The following HMG20B variants were observed in gnomAD, a reference collection of about 807,000 sequenced individuals.
HMG20B encodes high mobility group 20B.
In HMG20B, 24 loss-of-function variants were observed where a neutral mutation model predicts 41.6. The ratio of observed to expected loss-of-function variants is 0.58; its 90% CI spans 0.42 to 0.81. The LOEUF is 0.81. Among genes scored for constraint, HMG20B ranks in the 30% least tolerant of loss-of-function variants. HMG20B has a pLI of 0.00. For missense variants in HMG20B, 461 were observed against 444.0 expected (o/e 1.04, Z -0.34); for synonymous variants, 251 against 186.6 (o/e 1.34, Z -2.81).
rs111232168 is a variant in HMG20B, at chr19:3,573,626, T to A, written c.39-66T>A. On this transcript the variant is annotated intron_variant, in intron 2 of 9. Transcript: ENST00000333651. ...CCCGCCGTCGGGGGTCAAAACGCCC[T>A]GGGGTGGGCTTTTGGGGGAGGGGAG... The A allele has an allele frequency of 1.5e-4, 210 of 1,377,796 alleles. No individual in the cohort carries two copies. In the African/African-American group the frequency reaches 2.4e-3, roughly 16 times the overall value. 85.3% of individuals were successfully genotyped at this position (1,377,796 alleles called of 1,614,324 possible). A position where few individuals can be genotyped will look rare whatever the true frequency, so the allele number is the denominator to read the frequency against.
Position 3,576,880 on chromosome 19 carries a change from C to G in HMG20B, c.593-12C>G. On this transcript the variant is annotated splice_polypyrimidine_tract_variant and intron_variant, in intron 7 of 9. Transcript: ENST00000333651. ...GGAGGCGCAGGCTTTGACCCCGCTC[C>G]CCCCGGCGCAGCGCGTGAGGCGGAG... The G allele has an allele frequency of 6.4e-7, 1 of 1,560,606 alleles. No individual in the cohort carries two copies. The highest frequency in any genetic ancestry group is 1.2e-5 in the South Asian group (1 of 84,784).
chr19:3,573,846 C>T, intron 3 of HMG20B, 46 bp downstream of exon 3: 1 of 1,510,142 alleles, frequency 6.6e-7, no homozygotes, highest in Non-Finnish European at 9.1e-7. Context: ...GGCTCCCGCC[C>T]CAGCCTCGAA....
intron 3 of HMG20B, chr19:3,574,029 G>T (rs991914872): frequency 3.0e-6 from 2 of 674,742 alleles, no homozygotes; most frequent in Admixed American, 4.8e-5. Flanking sequence ...CTAAGGTCCC[G>T]CCCACTTCCA....
In HMG20B at chr19:3,578,185, T is replaced by C. The variant is rs769994800; in HGVS notation, c.941+72T>C. On this transcript the variant is annotated intron_variant, in intron 9 of 9. Transcript: ENST00000333651. ...TGTGCCCGCCCTGGGGTTCCCCAGG[T>C]CCGCGAGGGCTGCTGGGTGGGACTC... is the stretch of plus-strand genomic sequence containing the variant. The C allele has an allele frequency of 3.8e-6, 6 of 1,561,786 alleles. No individual in the cohort carries two copies. In the East Asian group the frequency reaches 1.1e-4, roughly 30 times the overall value.
chr19:3,573,420 C>A, intron 2 of HMG20B, 73 bp downstream of exon 2: 1 of 1,398,618 alleles, frequency 7.1e-7, no homozygotes, highest in South Asian at 1.4e-5. Context: ...AACCCCTGAC[C>A]CAGTCCCTCC....
intron 2 of HMG20B, 27 bp downstream of exon 2, chr19:3,573,374 C>G: frequency 1.3e-6 from 2 of 1,512,340 alleles, no homozygotes; most frequent in Non-Finnish European, 1.8e-6. Flanking sequence ...CCTCCCCACG[C>G]CCTCGCTACT....
In HMG20B at chr19:3,575,661, G is replaced by A. The variant is rs113921052; in HGVS notation, c.472+1G>A. 6.5e-7 allele frequency: 1 copy of A among 1,550,170 alleles called. No individual in the cohort carries two copies. ...ATCCAGGAGAAGAAGATCAAGAAAG[G>A]TGGGAGGGGTCGGGCGCGGTGGCTC... is the stretch of plus-strand genomic sequence containing the variant. On this transcript the variant is annotated splice_donor_variant, in intron 5 of 9. Coordinates refer to ENST00000333651, the MANE Select transcript of HMG20B (RefSeq NM_006339.3). LOFTEE classifies it high-confidence loss of function.
rs2032211790 is a variant in HMG20B, at chr19:3,578,089, A to G, written c.917A>G (p.Lys306Arg). 4 of 1,611,474 alleles carry G rather than the reference A, an allele frequency of 2.5e-6. No individual in the cohort carries two copies. The highest frequency in any genetic ancestry group is 1.7e-4 in the Middle Eastern group (1 of 6,058). ...CACGAGAAGCTCATCGTCCGCATCA[A>G]GGAAATCCTGGCCCAGGTCGCCAGG... The part of the protein sequence containing the change: ...AQHEKLIVRI[K>R]EILAQVASEH... Residue 306 changes from lysine to arginine, a missense_variant, in exon 9 of 10, where the codon AAG (lysine) becomes AGG (arginine). By Grantham distance (26) the Lys-to-Arg change is conservative. Coordinates refer to ENST00000333651, the MANE Select transcript of HMG20B (RefSeq NM_006339.3).
chr19:3,573,636 T>C, intron 2 of HMG20B, 56 bp from the exon 3 acceptor site: 1 of 1,411,538 alleles, frequency 7.1e-7, no homozygotes, highest in Non-Finnish European at 9.3e-7. Context: ...TGGGGTGGGC[T>C]TTTGGGGGAG....
In HMG20B at chr19:3,574,168, A is replaced by G. The variant is rs1169483570; in HGVS notation, c.148-215A>G. On this transcript the variant is annotated intron_variant, in intron 3 of 9. Coordinates refer to ENST00000333651, the MANE Select transcript of HMG20B (RefSeq NM_006339.3). ...ACCCTGTACTCAAACCTCGGCCCAT[A>G]GTTCCTCAGATCCCCTCACCCCTGG... 3 of 610,218 alleles carry G rather than the reference A, an allele frequency of 4.9e-6. No individual in the cohort carries two copies. In the African/African-American group the frequency reaches 5.6e-5, roughly 11 times the overall value. 37.8% of individuals were successfully genotyped at this position (610,218 alleles called of 1,614,324 possible).
At chr19:3,576,732 C>T in intron 7 of HMG20B, 107 bp downstream of exon 7, 8 of 1,276,378 alleles carry the variant, frequency 6.3e-6, no homozygotes, top group Non-Finnish European at 8.8e-6. Flanking sequence ...GGGAGGTTCC[C>T]TATGAGCGTC....
chr19:3,576,780 A>C, intron 7 of HMG20B, 112 bp from the exon 8 acceptor site: 1 of 1,304,036 alleles, frequency 7.7e-7, no homozygotes, highest in Non-Finnish European at 1.1e-6. Context: ...GATGTGGAGC[A>C]GGAGGCAGAG....
At chr19:3,574,129 C>A in intron 3 of HMG20B, 1 of 621,206 alleles carries the variant, frequency 1.6e-6, no homozygotes, top group Admixed American at 2.9e-5. Context: ...CGCCCACAAC[C>A]GAAGTCAACG....
chr19:3,574,866 G>A (rs1011807818), intron 4 of HMG20B, among the ~76,000 whole-genome samples: 1 of 152,132 alleles, frequency 6.6e-6, no homozygotes, highest in Admixed American at 6.6e-5. Context: ...TTACAGGCGC[G>A]TGCTACCATG....
At chr19:3,574,244 T>A in intron 3 of HMG20B, 139 bp from the exon 4 acceptor site, 1 of 773,342 alleles carries the variant, frequency 1.3e-6, no homozygotes, top group East Asian at 2.7e-5. Flanking sequence ...GGGCCCTACC[T>A]CCATCTTTTC....
At chr19:3,577,153 C>G in intron 8 of HMG20B, 46 bp downstream of exon 8, 1 of 1,272,062 alleles carries the variant, frequency 7.9e-7, no homozygotes, top group South Asian at 1.6e-5. Context: ...TCACCCGGCC[C>G]CGCCCGCCTC....
At chr19:3,577,869 G>C in intron 8 of HMG20B, 112 bp from the exon 9 acceptor site, 1 of 976,150 alleles carries the variant, frequency 1.0e-6, no homozygotes. Context: ...GCGGTGTCCG[G>C]ACCTCTGAGC....
At chr19:3,576,150 C>A (rs1383517842) in intron 5 of HMG20B, 111 bp from the exon 6 acceptor site, 1 of 898,102 alleles carries the variant, frequency 1.1e-6, no homozygotes, top group Non-Finnish European at 1.8e-6. Flanking sequence ...TGCCCAGACG[C>A]GGGGCACTCA....
chr19:3,574,204 C>G (rs1233416311), intron 3 of HMG20B, 179 bp from the exon 4 acceptor site: 40 of 637,344 alleles, frequency 6.3e-5, no homozygotes, highest in South Asian at 4.5e-4. Flanking sequence ...CCAGGGATCC[C>G]TCTAACCCAC....
Sources: allele counts gnomAD v4.1 joint callset (sites outside exome capture counted in the v4.1 genomes callset), GRCh38; gene constraint gnomAD v4.1.1; transcripts MANE v1.5; gene names NCBI Gene and HGNC (gene_info 2026-07-23, HGNC 2026-07-21).